Variants in PDE4D observed in about 807,000 individuals in gnomAD.
PDE4D encodes the protein 3',5'-cyclic-AMP phosphodiesterase 4D.
A neutral mutation model predicts 87.4 loss-of-function variants in PDE4D; 24 were observed. The ratio of observed to expected loss-of-function variants is 0.27; its 90% CI spans 0.20 to 0.39. PDE4D has a LOEUF of 0.39. Ranked by LOEUF, PDE4D falls within the 10% of genes least tolerant of loss-of-function variation. The pLI is 1.00. For missense variants in PDE4D, 714 were observed against 1,041.0 expected, an observed-to-expected ratio of 0.69 and a Z score of 4.32; for synonymous variants, 384 against 383.2, an observed-to-expected ratio of 1.00 and a Z score of -0.02.
At chr5:59,272,029 CT>C (rs1763925608) in intron 1 of PDE4D, among the ~76,000 whole-genome samples, 1 of 151,542 alleles carries the variant, frequency 6.6e-6, no homozygotes, top group African/African-American at 2.4e-5. Context: ...CATAATAATA[CT>C]TATAATGAAA....
At chr5:59,762,662 A>G (rs1027270223) in intron 1 of PDE4D, among the ~76,000 whole-genome samples, 12 of 136,474 alleles carry the variant, frequency 8.8e-5, no homozygotes, top group African/African-American at 2.9e-4. Context: ...ATGTGTATAT[A>G]GGTACGTATG....
chr5:59,376,752 GC>G (rs758275262), intron 1 of PDE4D, among the ~76,000 whole-genome samples: 1 of 152,064 alleles, frequency 6.6e-6, no homozygotes, highest in Non-Finnish European at 1.5e-5. Context: ...AAAGAACAAA[GC>G]TAGAGGCATC....
At chr5:60,038,366 A>C (rs1456179087) in intron 2 of PDE4D, among the ~76,000 whole-genome samples, 2 of 152,190 alleles carry the variant, frequency 1.3e-5, no homozygotes, top group African/African-American at 4.8e-5. Flanking sequence ...TCCCAGCACC[A>C]TTTATTAAAT....
chr5:59,305,625 T>C (rs368596643), intron 1 of PDE4D, among the ~76,000 whole-genome samples: 9 of 152,158 alleles, frequency 5.9e-5, no homozygotes, highest in East Asian at 5.8e-4. Flanking sequence ...GTTCAAATAA[T>C]TGTATAATTT....
chr5:59,112,223 T>G (rs1772785643), intron 5 of PDE4D, among the ~76,000 whole-genome samples: 1 of 152,144 alleles, frequency 6.6e-6, no homozygotes, highest in Admixed American at 6.6e-5. Context: ...ACTGATGTGC[T>G]TGAAGATCAG....
At chr5:59,240,844 G>GC (rs1324526366) in intron 1 of PDE4D, among the ~76,000 whole-genome samples, 2 of 151,942 alleles carry the variant, frequency 1.3e-5, no homozygotes, top group East Asian at 3.9e-4. Context: ...GTTCAGTATA[G>GC]CCTAGTGATT....
At chr5:59,803,703 A>T (rs941495539) in intron 1 of PDE4D, among the ~76,000 whole-genome samples, 2 of 152,204 alleles carry the variant, frequency 1.3e-5, no homozygotes, top group Non-Finnish European at 2.9e-5. Flanking sequence ...TCTTGAAAAT[A>T]AACAAATACA....
chr5:59,415,080 A>C (rs1309831900), intron 1 of PDE4D, among the ~76,000 whole-genome samples: 2 of 152,154 alleles, frequency 1.3e-5, no homozygotes, highest in East Asian at 3.9e-4. Context: ...AGATCATTGC[A>C]GCTATCCATG....
In PDE4D at chr5:59,356,927, C is replaced by T. The variant is rs1049890890; in HGVS notation, c.456-140959G>A. On this transcript the variant is annotated intron_variant, in intron 1 of 14. Coordinates refer to ENST00000340635, the MANE Select transcript of PDE4D (RefSeq NM_001104631.2). Reference sequence around the variant, plus strand: ...GGCTCTGGGGCCCTGAGGCCCCGCACGGAGCAGGAGGCACTTGTAGCTGAG... The same window carrying T: ...GGCTCTGGGGCCCTGAGGCCCCGCATGGAGCAGGAGGCACTTGTAGCTGAG... 3.7e-5 allele frequency: 53 copies of T among 1,437,936 alleles called. 1 individual carries two copies. The African/African-American group carries it at 4.8e-4, about 13-fold the overall frequency. 89.1% of individuals were successfully genotyped at this position (1,437,936 alleles called of 1,614,324 possible).
intron 5 of PDE4D, among the ~76,000 whole-genome samples, chr5:59,107,494 C>G (rs1771815538): frequency 6.6e-6 from 1 of 152,122 alleles, no homozygotes; most frequent in African/African-American, 2.4e-5. Context: ...CAGGCATGAG[C>G]CACTGCACCT....
chr5:59,401,828 G>A (rs375199774), intron 1 of PDE4D, among the ~76,000 whole-genome samples: 2 of 152,166 alleles, frequency 1.3e-5, no homozygotes, highest in Admixed American at 1.3e-4. Context: ...GTGAGTTTCT[G>A]TTTATTTACT....
chr5:59,511,256 G>C (rs1810238274), intron 1 of PDE4D, among the ~76,000 whole-genome samples: 1 of 151,888 alleles, frequency 6.6e-6, no homozygotes, highest in South Asian at 2.1e-4. Context: ...TTTCGATTAA[G>C]TCAGAATATT....
At chr5:59,618,567 A>G in intron 1 of PDE4D, among the ~76,000 whole-genome samples, 1 of 152,168 alleles carries the variant, frequency 6.6e-6, no homozygotes, top group African/African-American at 2.4e-5. Context: ...AATATATATT[A>G]TCATATTTAT....
chr5:60,498,638 G>C (rs1017643942), intron 1 of PDE4D, among the ~76,000 whole-genome samples: 1 of 152,292 alleles, frequency 6.6e-6, no homozygotes. Context: ...AAGAGAGTAT[G>C]ATCAAATCCA....
chr5:59,162,918 G>A (rs1420504779), intron 5 of PDE4D, among the ~76,000 whole-genome samples: 1 of 149,548 alleles, frequency 6.7e-6, no homozygotes, highest in Non-Finnish European at 1.5e-5. Context: ...AAGTTGCCCT[G>A]AATATACACT....
At chr5:59,990,352 A>C (rs2152831812) in intron 2 of PDE4D, among the ~76,000 whole-genome samples, 1 of 152,258 alleles carries the variant, frequency 6.6e-6, no homozygotes, top group Admixed American at 6.5e-5. Flanking sequence ...CCCTTTCTCC[A>C]TAGCTCTATG....
chr5:60,059,513 T>C (rs1771160750), intron 2 of PDE4D, among the ~76,000 whole-genome samples: 1 of 151,942 alleles, frequency 6.6e-6, no homozygotes, highest in South Asian at 2.1e-4. Flanking sequence ...AACAGATGTA[T>C]AGATGACAAA....
At chr5:59,392,503 C>CTATATATATATATATATA (rs3061702) in intron 1 of PDE4D, among the ~76,000 whole-genome samples, 1,535 of 139,126 alleles carry the variant, frequency 0.011, 17 homozygotes, top group African/African-American at 0.025. Context: ...GTGTGTGTGT[C>CTATATATATATATATATA]TATATATATA....
intron 1 of PDE4D, among the ~76,000 whole-genome samples, chr5:59,313,039 T>G (rs1408405917): frequency 6.6e-6 from 1 of 152,132 alleles, no homozygotes; most frequent in East Asian, 1.9e-4. Flanking sequence ...GGTCCCCCAG[T>G]TGAACCCCCA....
Sources: gnomAD v4.1 joint callset for allele counts (sites outside exome capture counted in the v4.1 genomes callset) on GRCh38, gnomAD v4.1.1 for gene constraint, MANE v1.5 for transcripts, NCBI Gene and HGNC (gene_info 2026-07-23, HGNC 2026-07-21) for gene names.